NAALADL2: variants seen among roughly 807,000 people sequenced by gnomAD.
NAALADL2 encodes N-acetylated alpha-linked acidic dipeptidase like 2, also known as inactive N-acetylated-alpha-linked acidic dipeptidase-like protein 2.
Under a neutral mutation model 87.2 loss-of-function variants are expected in NAALADL2, and 76 were observed. The observed-to-expected ratio is 0.87, with a 90% CI of 0.72 to 1.05. NAALADL2 has a LOEUF of 1.05. NAALADL2 is among the 50% of genes least tolerant of loss of function. NAALADL2 has a pLI of 0.00. For synonymous variants in NAALADL2, 354 were observed against 331.0 expected (o/e 1.07, Z -0.75); for missense variants, 1,089 against 945.8 (o/e 1.15, Z -1.99).
At chr3:174,902,936 A>G (rs1002841573) in intron 1 of NAALADL2, among the ~76,000 whole-genome samples, 2 of 152,120 alleles carry the variant, frequency 1.3e-5, no homozygotes, top group Non-Finnish European at 2.9e-5. Context: ...AGGCTGAGGA[A>G]CCATGTGAAA....
chr3:174,824,227 T>C (rs1028759137), intron 3 of NAALADL2, among the ~76,000 whole-genome samples: 4 of 152,196 alleles, frequency 2.6e-5, no homozygotes, highest in East Asian at 1.9e-4. Context: ...AAGGTGCATA[T>C]GTAAAATTTA....
At chr3:174,611,041 C>T (rs974873275) in intron 2 of NAALADL2, among the ~76,000 whole-genome samples, 8 of 151,938 alleles carry the variant, frequency 5.3e-5, no homozygotes, top group African/African-American at 1.9e-4. Context: ...TGGAAATCAT[C>T]ATTCTCAGTA....
At chr3:175,445,581 A>G (rs1337717560) in intron 5 of NAALADL2, among the ~76,000 whole-genome samples, 1 of 152,132 alleles carries the variant, frequency 6.6e-6, no homozygotes, top group Non-Finnish European at 1.5e-5. Context: ...AACTTTCACA[A>G]GTATTCATGT....
chr3:175,429,639 C>A (rs771761979), intron 5 of NAALADL2, among the ~76,000 whole-genome samples: 1 of 151,970 alleles, frequency 6.6e-6, no homozygotes, highest in Non-Finnish European at 1.5e-5. Flanking sequence ...TGGAAACCTT[C>A]GCACATATGC....
intron 2 of NAALADL2, among the ~76,000 whole-genome samples, chr3:175,116,380 C>T (rs947920373): frequency 1.3e-5 from 2 of 152,050 alleles, no homozygotes; most frequent in Non-Finnish European, 2.9e-5. Flanking sequence ...GCAAATTCAG[C>T]AAAGTCTCAG....
chr3:175,347,649 C>G (rs530946196), intron 5 of NAALADL2, among the ~76,000 whole-genome samples: 10 of 152,252 alleles, frequency 6.6e-5, no homozygotes, highest in African/African-American at 2.4e-4. Flanking sequence ...GGCTTTATGT[C>G]AAGATTTCCT....
At chr3:175,396,744 G>A (rs1769846579) in intron 5 of NAALADL2, among the ~76,000 whole-genome samples, 1 of 152,142 alleles carries the variant, frequency 6.6e-6, no homozygotes, top group South Asian at 2.1e-4. Flanking sequence ...TTATGTCCAT[G>A]CTGTTCTTGT....
At chr3:175,039,133 A>T (rs1446018302) in intron 1 of NAALADL2, among the ~76,000 whole-genome samples, 1 of 151,980 alleles carries the variant, frequency 6.6e-6, no homozygotes, top group Non-Finnish European at 1.5e-5. Context: ...CTCCTGGTTT[A>T]TTTTTTATAA....
intron 5 of NAALADL2, among the ~76,000 whole-genome samples, chr3:175,423,568 C>T (rs1369144015): frequency 6.6e-6 from 1 of 152,074 alleles, no homozygotes; most frequent in Admixed American, 6.6e-5. Context: ...TTTCCAGCTT[C>T]ATCCATGTCC....
intron 1 of NAALADL2, among the ~76,000 whole-genome samples, chr3:174,530,773 G>A (rs549708414): frequency 1.2e-4 from 19 of 152,214 alleles, no homozygotes; most frequent in East Asian, 9.7e-4. Context: ...CCCACAACAC[G>A]TGGGAATTCA....
chr3:175,701,236 A>C (rs1738950720), intron 11 of NAALADL2, among the ~76,000 whole-genome samples: 1 of 152,148 alleles, frequency 6.6e-6, no homozygotes, highest in South Asian at 2.1e-4. Flanking sequence ...TATGTAGGTT[A>C]GGGGAGCATA....
intron 2 of NAALADL2, among the ~76,000 whole-genome samples, chr3:174,673,416 T>C (rs981808319): frequency 6.6e-6 from 1 of 152,038 alleles, no homozygotes; most frequent in Non-Finnish European, 1.5e-5. Flanking sequence ...GAAGTAATAA[T>C]AGATAATTGG....
intron 3 of NAALADL2, among the ~76,000 whole-genome samples, chr3:174,815,404 A>G (rs1720674867): frequency 6.6e-6 from 1 of 151,164 alleles, no homozygotes; most frequent in Non-Finnish European, 1.5e-5. Context: ...CCTTCTGTAC[A>G]TGTATGTGTC....
chr3:174,493,282 A>T (rs144165015), intron 1 of NAALADL2, among the ~76,000 whole-genome samples: 2 of 152,330 alleles, frequency 1.3e-5, no homozygotes, highest in Non-Finnish European at 2.9e-5. Flanking sequence ...ACACTAATCT[A>T]ATATGACTGG....
intron 1 of NAALADL2, among the ~76,000 whole-genome samples, chr3:174,490,226 T>C (rs1461238423): frequency 3.3e-5 from 5 of 152,112 alleles, no homozygotes; most frequent in East Asian, 1.9e-4. Context: ...TACTTGGCAA[T>C]AAAAAATGAA....
intron 5 of NAALADL2, among the ~76,000 whole-genome samples, chr3:175,368,347 G>T (rs1263036714): frequency 6.6e-5 from 10 of 152,202 alleles, no homozygotes; most frequent in African/African-American, 2.2e-4. Flanking sequence ...CCTGGCTTTG[G>T]TATCAGGATG....
At chr3:174,894,643 A>AAAAAAAAAAAAAAAAAAAAAAAAAT (rs1731280580) in intron 1 of NAALADL2, among the ~76,000 whole-genome samples, 1 of 128,192 alleles carries the variant, frequency 7.8e-6, no homozygotes, top group African/African-American at 2.9e-5. Flanking sequence ...AAAAAAAAAA[A>AAAAAAAAAAAAAAAAAAAAAAAAAT]TCAGTGAAGA....
intron 11 of NAALADL2, among the ~76,000 whole-genome samples, chr3:175,709,870 C>T (rs920897820): frequency 1.3e-5 from 2 of 152,020 alleles, no homozygotes; most frequent in African/African-American, 4.8e-5. Context: ...CAATGGTGAT[C>T]TTGACAAAAA....
At chr3:175,678,606 G>C (rs533297157) in intron 11 of NAALADL2, among the ~76,000 whole-genome samples, 6 of 152,100 alleles carry the variant, frequency 3.9e-5, no homozygotes, top group Non-Finnish European at 7.4e-5. Flanking sequence ...CCATCATTCT[G>C]AGCAAACTAT....
Sources: gnomAD v4.1 joint callset for allele counts (sites outside exome capture counted in the v4.1 genomes callset) on GRCh38, gnomAD v4.1.1 for gene constraint, MANE v1.5 for transcripts, NCBI Gene and HGNC (gene_info 2026-07-23, HGNC 2026-07-21) for gene names.